HDAC1: variants seen among roughly 807,000 people sequenced by gnomAD.
HDAC1 encodes the protein protein deacetylase HDAC1.
In HDAC1, 18 loss-of-function variants were observed where a neutral mutation model predicts 65.5. The observed-to-expected ratio is 0.27, with a 90% CI of 0.19 to 0.41. The LOEUF is 0.41. Ranked by LOEUF, HDAC1 falls within the 10% of genes least tolerant of loss-of-function variation. HDAC1 has a pLI of 1.00. For missense variants in HDAC1, 373 were observed against 625.2 expected (o/e 0.60, Z 4.30); for synonymous variants, 211 against 227.9 (o/e 0.93, Z 0.67).
intron 3 of HDAC1, among the ~76,000 whole-genome samples, chr1:32,321,162 C>T (rs1198784759): frequency 6.7e-6 from 1 of 149,956 alleles, no homozygotes; most frequent in Non-Finnish European, 1.5e-5. Context: ...ACCCAGGAGG[C>T]GGAGCTTGCA....
At chr1:32,320,899 C>CAAAAAAAAA (rs1160071616) in intron 3 of HDAC1, among the ~76,000 whole-genome samples, 5 of 23,378 alleles carry the variant, frequency 2.1e-4, no homozygotes, top group African/African-American at 4.5e-4. Context: ...GACTCCATCT[C>CAAAAAAAAA]AAAAAAAAAA....
intron 3 of HDAC1, among the ~76,000 whole-genome samples, chr1:32,323,917 C>T (rs141742163): frequency 6.6e-6 from 1 of 152,186 alleles, no homozygotes; most frequent in Non-Finnish European, 1.5e-5. Context: ...CAACATTTTC[C>T]AAGTTGCTAA....
rs2148073154 is a variant in HDAC1, at chr1:32,331,680, C to T, written c.1093C>T (p.Arg365Ter). The T allele has an allele frequency of 1.2e-6, 2 of 1,613,312 alleles. No homozygotes were observed. The highest frequency in any genetic ancestry group is 1.3e-5 in the African/African-American group (1 of 75,004). The part of the protein sequence containing the change: ...TNEYLEKIKQ[R>*]LFENLRMLPH... ...ACTCTCTCCCATTGGCCACAGACAGCGACTGTTTGAGAACCTTAGAATGCT... is the reference window on the plus strand; with the variant it reads ...ACTCTCTCCCATTGGCCACAGACAGTGACTGTTTGAGAACCTTAGAATGCT... Residue 365 changes from arginine to a stop codon, truncating the protein, a stop_gained, in exon 11 of 14, where the codon CGA becomes TGA. Coordinates refer to ENST00000373548, the MANE Select transcript of HDAC1 (RefSeq NM_004964.3). LOFTEE classifies it high-confidence loss of function. This position sits in a 1 kb window ranked among gnomAD's most constrained non-coding sequence, Gnocchi z 4.2.
intron 1 of HDAC1, among the ~76,000 whole-genome samples, chr1:32,299,340 T>C (rs1167821227): frequency 6.6e-6 from 1 of 151,976 alleles, no homozygotes; most frequent in East Asian, 1.9e-4. Context: ...CCCAGCACTT[T>C]AGAAGGCTGA....
At chr1:32,292,258 G>T in intron 1 of HDAC1, 40 bp downstream of exon 1, 1 of 1,546,480 alleles carries the variant, frequency 6.5e-7, no homozygotes, top group Non-Finnish European at 8.7e-7. Flanking sequence ...GCCAGGCCGG[G>T]CCGGACCGGG....
At chr1:32,305,396 C>T (rs1471462676) in intron 2 of HDAC1, among the ~76,000 whole-genome samples, 1 of 152,142 alleles carries the variant, frequency 6.6e-6, no homozygotes, top group East Asian at 1.9e-4. Context: ...ACATATTCAC[C>T]TGTGTTAGAT....
At chr1:32,320,919 A>C (rs1212837364) in intron 3 of HDAC1, among the ~76,000 whole-genome samples, 2 of 145,610 alleles carry the variant, frequency 1.4e-5, no homozygotes, top group Non-Finnish European at 3.0e-5. Flanking sequence ...AAAAAAAAAA[A>C]AAAACAGAAA....
At position 32,331,523 on chromosome 1, in the gene HDAC1, C is replaced by G. The variant is rs868832750; in HGVS notation, c.1029C>G (p.Leu343=). Residue 343 remains leucine (L), a synonymous_variant, in exon 10 of 14, where the codon CTC becomes CTG. Transcript: ENST00000373548. The surrounding 1 kb of genome is among the most constrained non-coding windows in gnomAD (Gnocchi z 4.2). ...AATACTTTGGACCAGATTTCAAGCT[C>G]CACATCAGTCCTTCCAATATGACTA... is the stretch of plus-strand genomic sequence containing the variant. ...YFEYFGPDFK[L]HISPSNMTNQ... 1.2e-6 allele frequency: 2 copies of G among 1,612,822 alleles called. No individual in the cohort carries two copies. The highest frequency in any genetic ancestry group is 2.7e-5 in the African/African-American group (2 of 74,986).
intron 2 of HDAC1, among the ~76,000 whole-genome samples, chr1:32,307,017 C>T (rs138968445): frequency 0.071 from 10,860 of 151,984 alleles, 650 homozygotes; most frequent in African/African-American, 0.16. Flanking sequence ...AGGCCAAAGC[C>T]GGTGGATCAT....
chr1:32,316,144 C>T (rs1436628472), intron 2 of HDAC1, among the ~76,000 whole-genome samples: 6 of 151,728 alleles, frequency 4.0e-5, no homozygotes, highest in African/African-American at 1.2e-4. Context: ...ATTAGCCGGG[C>T]GTGGTGGTGG....
chr1:32,313,529 C>T (rs919769028), intron 2 of HDAC1, among the ~76,000 whole-genome samples: 2 of 152,124 alleles, frequency 1.3e-5, no homozygotes, highest in African/African-American at 4.8e-5. Flanking sequence ...TATGAGATAG[C>T]GTTTAAAGTG....
At chr1:32,312,707 G>A (rs1427477044) in intron 2 of HDAC1, among the ~76,000 whole-genome samples, 1 of 139,064 alleles carries the variant, frequency 7.2e-6, no homozygotes, top group African/African-American at 2.7e-5. Flanking sequence ...ACAGAGTCTC[G>A]CTCTGTCGCC....
At chr1:32,309,060 C>A (rs139030520) in intron 2 of HDAC1, among the ~76,000 whole-genome samples, 3 of 152,134 alleles carry the variant, frequency 2.0e-5, no homozygotes, top group Non-Finnish European at 4.4e-5. Context: ...AGTCTGCCCC[C>A]CTTAGCCTCC....
intron 1 of HDAC1, among the ~76,000 whole-genome samples, chr1:32,299,387 A>T (rs923044676): frequency 2.6e-5 from 4 of 152,104 alleles, no homozygotes; most frequent in African/African-American, 9.7e-5. Context: ...ACAAAGCAAG[A>T]TGCCATCTCT....
chr1:32,324,002 G>T, intron 3 of HDAC1, among the ~76,000 whole-genome samples: 1 of 151,874 alleles, frequency 6.6e-6, no homozygotes, highest in East Asian at 1.9e-4. Context: ...GCTTGTTATA[G>T]ATAATGGGCT....
chr1:32,330,379 G>T lies in HDAC1; in HGVS notation c.730-199G>T. 1 of 570,536 alleles carries T rather than the reference G, an allele frequency of 1.8e-6. No homozygotes were observed. The highest frequency in any genetic ancestry group is 3.2e-6 in the Non-Finnish European group (1 of 317,002). 35.3% of individuals were successfully genotyped at this position (570,536 alleles called of 1,614,324 possible). On this transcript the variant is annotated intron_variant, in intron 7 of 13. Transcript: ENST00000373548. This position sits in a 1 kb window ranked among gnomAD's most constrained non-coding sequence, Gnocchi z 4.2. ...TTACTAGAGTGTTAGAAGGGTCTTA[G>T]AGAACTTTTTAAATTGGAAAATTGA...
intron 1 of HDAC1, among the ~76,000 whole-genome samples, chr1:32,293,702 G>C (rs1424160570): frequency 2.0e-5 from 3 of 152,090 alleles, no homozygotes; most frequent in African/African-American, 7.2e-5. Flanking sequence ...AGGAGTTCAA[G>C]ACCAGCCTGA....
chr1:32,332,274 C>A, intron 12 of HDAC1, 32 bp downstream of exon 12: 1 of 1,591,980 alleles, frequency 6.3e-7, no homozygotes, highest in Non-Finnish European at 8.6e-7. Context: ...ACTTGGGTCT[C>A]GAGCCTGAGA....
chr1:32,317,671 C>G (rs1206461261), intron 3 of HDAC1, among the ~76,000 whole-genome samples: 1 of 152,140 alleles, frequency 6.6e-6, no homozygotes, highest in African/African-American at 2.4e-5. Flanking sequence ...TTCCTTGAAG[C>G]ATTAAGCTTC....
Sources: gnomAD v4.1 joint callset for allele counts (sites outside exome capture counted in the v4.1 genomes callset) on GRCh38, gnomAD v4.1.1 for gene constraint, Gnocchi (gnomAD v3.1) non-coding constraint, MANE v1.5 for transcripts, NCBI Gene and HGNC (gene_info 2026-07-23, HGNC 2026-07-21) for gene names.